MCMBP: variants seen among roughly 807,000 people sequenced by gnomAD.
MCMBP encodes the protein mini-chromosome maintenance complex-binding protein.
Under a neutral mutation model 81.3 loss-of-function variants are expected in MCMBP, and 31 were observed. That is an observed-to-expected ratio of 0.38 (90% CI 0.29 to 0.51). The LOEUF (loss-of-function observed/expected upper bound fraction) is 0.51. Among genes scored for constraint, MCMBP ranks in the 20% least tolerant of loss-of-function variants. The pLI is 0.87. For missense variants in MCMBP, 645 were observed against 772.1 expected (o/e 0.84, Z 1.95); for synonymous variants, 267 against 275.9 (o/e 0.97, Z 0.32).
chr10:119,853,212 GAA>G lies in MCMBP; in HGVS notation c.430-20_430-19del. 6.2e-7 allele frequency: 1 copy of G among 1,609,508 alleles called. No individual in the cohort carries two copies. Among genetic ancestry groups the G allele is most frequent in the South Asian group, 1.1e-5 (1 of 90,448 alleles). ...ACATAGGCGTTAAACGAAAAGTTAA[GAA>G]AAGACTATCATAAACTGAGGAATAT... On this transcript the variant is annotated intron_variant, in intron 5 of 15. Transcript: ENST00000369077.
At chr10:119,838,922 T>A (rs1852341394) in intron 11 of MCMBP, among the ~76,000 whole-genome samples, 1 of 152,222 alleles carries the variant, frequency 6.6e-6, no homozygotes, top group Non-Finnish European at 1.5e-5. Flanking sequence ...AAATGTCTTG[T>A]TCAATATTCT....
At chr10:119,836,836 CA>C in intron 13 of MCMBP, 59 bp downstream of exon 13, 1 of 1,086,474 alleles carries the variant, frequency 9.2e-7, no homozygotes, top group Non-Finnish European at 1.2e-6. Flanking sequence ...CAAGAAACAG[CA>C]AAAATGTAGG....
chr10:119,861,918 T>TTTGTAGA (rs1853268869), intron 1 of MCMBP, among the ~76,000 whole-genome samples: 1 of 152,060 alleles, frequency 6.6e-6, no homozygotes, highest in African/African-American at 2.4e-5. Context: ...TTTTTAAATC[T>TTTGTAGA]TTTTGTAGAG....
chr10:119,852,180 AGC>A (rs1852853981), intron 6 of MCMBP, among the ~76,000 whole-genome samples: 1 of 132,448 alleles, frequency 7.6e-6, no homozygotes, highest in African/African-American at 2.9e-5. Context: ...AAAAAAAAAA[AGC>A]CTTCTCTACC....
chr10:119,848,054 C>T (rs561433275), intron 7 of MCMBP, among the ~76,000 whole-genome samples: 1 of 151,484 alleles, frequency 6.6e-6, no homozygotes, highest in East Asian at 1.9e-4. Context: ...CCTATTAAAC[C>T]ACACCAAGAA....
At position 119,835,542 on chromosome 10, in the gene MCMBP, T is replaced by G. The variant is rs771021972; in HGVS notation, c.1705A>C (p.Lys569Gln). The change falls in exon 14 of 16, where the codon AAG becomes CAG. Residue 569 changes from lysine to glutamine, a missense_variant and splice_region_variant. Lys to Gln is a moderately conservative substitution (Grantham distance 53, BLOSUM62 1). Transcript: ENST00000369077. ...CCTTTATTTTAACCTAGACATACCTTGGTTATTTCATCAGATATGCTATAT... is the reference window on the plus strand; with the variant it reads ...CCTTTATTTTAACCTAGACATACCTGGGTTATTTCATCAGATATGCTATAT... ...LEYSISDEIT[K>Q]AVEDDFVEMR... 6.2e-7 allele frequency: 1 copy of G among 1,612,536 alleles called. No individual in the cohort carries two copies. Among genetic ancestry groups the G allele is most frequent in the Non-Finnish European group, 8.5e-7 (1 of 1,178,822 alleles).
intron 12 of MCMBP, 52 bp from the exon 13 acceptor site, chr10:119,837,081 C>G: frequency 6.3e-7 from 1 of 1,577,540 alleles, no homozygotes; most frequent in Non-Finnish European, 8.6e-7. Context: ...CATCTAAACA[C>G]ATCAGTTTTG....
chr10:119,844,414 T>A (rs573751040), intron 8 of MCMBP, among the ~76,000 whole-genome samples: 3 of 152,198 alleles, frequency 2.0e-5, no homozygotes, highest in Admixed American at 6.5e-5. Context: ...GTACGTACCA[T>A]GTGACAGACA....
Position 119,853,079 on chromosome 10 carries a change from T to C in MCMBP, c.545A>G (p.Lys182Arg), listed in dbSNP as rs1391502047. ...DDMDLQPNKQKDQHAGARQAG... is the reference protein window; with the variant it reads ...DDMDLQPNKQRDQHAGARQAG... ...TTGTCTGGCACCTGCATGTTGGTCTTTCTGCTTATTGGGCTGTAGGTCCAT... is the reference window on the plus strand; with the variant it reads ...TTGTCTGGCACCTGCATGTTGGTCTCTCTGCTTATTGGGCTGTAGGTCCAT... Residue 182 changes from lysine (K) to arginine (R), a missense_variant, in exon 6 of 16, where the codon AAA becomes AGA. Transcript: ENST00000369077. 6.2e-7 allele frequency: 1 copy of C among 1,614,086 alleles called. No individual in the cohort carries two copies. Among genetic ancestry groups the C allele is most frequent in the Non-Finnish European group, 8.5e-7 (1 of 1,180,030 alleles).
intron 2 of MCMBP, 71 bp downstream of exon 2, chr10:119,859,728 C>T (rs1853183494): frequency 1.1e-6 from 1 of 920,534 alleles, no homozygotes; most frequent in Non-Finnish European, 1.7e-6. Context: ...ATGTGGGTTA[C>T]TTAGTTACTC....
At chr10:119,849,339 AG>A in intron 7 of MCMBP, 85 bp downstream of exon 7, 1 of 1,405,814 alleles carries the variant, frequency 7.1e-7, no homozygotes, top group Non-Finnish European at 9.7e-7. Flanking sequence ...GCCCAGCACA[AG>A]GGAACAAATG....
Position 119,856,537 on chromosome 10 carries a change from G to C in MCMBP, c.429+801C>G, listed in dbSNP as rs568826478. Among the ~76,000 whole-genome samples the C allele has an allele frequency of 4.6e-5, 7 of 152,316 alleles. No individual in the cohort carries two copies. In the South Asian group the frequency reaches 1.0e-3, roughly 23 times the overall value. ...AGAATTCAGGATTGTGCTTGCAGGG[G>C]AGGAGGTAGTGACTAGAAAAAGGCA... On this transcript the variant is annotated intron_variant, in intron 5 of 15. Transcript: ENST00000369077.
At chr10:119,853,453 C>T (rs1374941294) in intron 5 of MCMBP, among the ~76,000 whole-genome samples, 3 of 152,150 alleles carry the variant, frequency 2.0e-5, no homozygotes, top group Non-Finnish European at 2.9e-5. Context: ...CAACAGGGAG[C>T]ATAAGGTTAT....
chr10:119,868,533 C>A (rs888208540), intron 1 of MCMBP, among the ~76,000 whole-genome samples: 1 of 152,258 alleles, frequency 6.6e-6, no homozygotes, highest in Admixed American at 6.5e-5. Context: ...CAACAAGTGT[C>A]CACTGAGCAC....
intron 12 of MCMBP, 70 bp downstream of exon 12, chr10:119,838,463 TAA>T: frequency 6.8e-7 from 1 of 1,467,416 alleles, no homozygotes; most frequent in Non-Finnish European, 9.3e-7. Flanking sequence ...GATACTCTTC[TAA>T]AAGTTATTCC....
chr10:119,842,357 A>C, intron 10 of MCMBP, 115 bp downstream of exon 10: 2 of 1,204,230 alleles, frequency 1.7e-6, no homozygotes, highest in Non-Finnish European at 2.3e-6. Context: ...GACAGATAAA[A>C]ACCATGTGAT....
intron 5 of MCMBP, among the ~76,000 whole-genome samples, chr10:119,854,538 C>A (rs1852955087): frequency 1.3e-5 from 1 of 75,112 alleles, no homozygotes; most frequent in African/African-American, 5.1e-5. Flanking sequence ...GACCCTGTCT[C>A]AAAAATAAAT....
intron 4 of MCMBP, chr10:119,857,681 T>C: frequency 3.1e-6 from 1 of 321,448 alleles, no homozygotes; most frequent in Non-Finnish European, 5.8e-6. Context: ...GAGTGACTTA[T>C]AATCTGGGTC....
Position 119,837,021 on chromosome 10 carries a change from T to C in MCMBP, c.1417A>G (p.Asn473Asp), listed in dbSNP as rs1417099352. 1 of 1,613,098 alleles carries C rather than the reference T, an allele frequency of 6.2e-7. No individual in the cohort carries two copies. Among genetic ancestry groups the C allele is most frequent in the Non-Finnish European group, 8.5e-7 (1 of 1,179,592 alleles). ...ATGAGGTTGCTCAGGGCTGTCACAT[T>C]ATGAACACCTACAAAGGCAGGAAAA... ...QGQLDTPGVH[N>D]VTALSNLITW... The change falls in exon 13 of 16, where the codon AAT becomes GAT. Residue 473 changes from asparagine (N) to aspartate (D), a missense_variant. Physicochemically the swap from Asn to Asp is conservative, Grantham distance 23. Transcript: ENST00000369077.
Sources: gnomAD v4.1 joint callset for allele counts (sites outside exome capture counted in the v4.1 genomes callset) on GRCh38, gnomAD v4.1.1 for gene constraint, MANE v1.5 for transcripts, NCBI Gene and HGNC (gene_info 2026-07-23, HGNC 2026-07-21) for gene names.